ADGRF3: variants seen among roughly 807,000 people sequenced by gnomAD.
ADGRF3 encodes the protein G protein-coupled receptor 113.
A neutral mutation model predicts 93.2 loss-of-function variants in ADGRF3; 85 were observed. The observed-to-expected ratio is 0.91, with a 90% confidence interval of 0.77 to 1.09. The LOEUF is 1.09. Ranked by LOEUF, ADGRF3 falls within the 50% of genes least tolerant of loss-of-function variation. The probability of loss-of-function intolerance (pLI) is 0.00; values close to 1 mark genes in which losing one functional copy is unlikely to be tolerated. For synonymous variants in ADGRF3, 534 were observed against 532.5 expected (o/e 1.00, Z -0.04); for missense variants, 1,125 against 1,246.2 (o/e 0.90, Z 1.46).
chr2:26,319,546 TCTCCCTCCCTCC>T (rs746092843), intron 1 of ADGRF3, among the ~76,000 whole-genome samples: 1 of 61,618 alleles, frequency 1.6e-5, no homozygotes, highest in Non-Finnish European at 3.4e-5. Flanking sequence ...CCCTTCTTTC[TCTCCCTCCCTCC>T]CTCCCTCCCT....
At chr2:26,321,398 A>C (rs1455487432) in intron 1 of ADGRF3, among the ~76,000 whole-genome samples, 5 of 152,144 alleles carry the variant, frequency 3.3e-5, no homozygotes, top group Admixed American at 2.0e-4. Context: ...AGATGGGCCA[A>C]GGGGATGTGG....
chr2:26,325,314 A>G (rs1363858493), intron 1 of ADGRF3, among the ~76,000 whole-genome samples: 5 of 152,260 alleles, frequency 3.3e-5, no homozygotes, highest in African/African-American at 1.2e-4. Flanking sequence ...TTTGACAAGA[A>G]GAGGTATTTT....
intron 10 of ADGRF3, 69 bp downstream of exon 10, chr2:26,310,623 G>T: frequency 1.3e-6 from 2 of 1,485,334 alleles, no homozygotes; most frequent in Non-Finnish European, 1.8e-6. Context: ...GTACCTCCTA[G>T]AGAAGAGATC....
chr2:26,340,713 A>ATG (rs67617356), intron 1 of ADGRF3, among the ~76,000 whole-genome samples: 2 of 152,046 alleles, frequency 1.3e-5, no homozygotes, highest in Non-Finnish European at 2.9e-5. Flanking sequence ...GGGGAGGAGG[A>ATG]TGTGTGTGTG....
intron 10 of ADGRF3, 78 bp downstream of exon 10, chr2:26,310,614 T>C: frequency 2.1e-6 from 3 of 1,430,256 alleles, no homozygotes; most frequent in South Asian, 1.3e-5. Flanking sequence ...TCCACCTTGG[T>C]ACCTCCTAGA....
chr2:26,325,346 T>A (rs1574720757), intron 1 of ADGRF3, among the ~76,000 whole-genome samples: 1 of 152,386 alleles, frequency 6.6e-6, no homozygotes, highest in South Asian at 2.1e-4. Context: ...GGACACATTA[T>A]ATATGCCTTT....
rs1438938486 is a variant in ADGRF3, at chr2:26,310,178, T to A, written c.2874+18A>T. 2 of 1,613,584 alleles carry A rather than the reference T, an allele frequency of 1.2e-6. No individual in the cohort carries two copies. Among genetic ancestry groups the A allele is most frequent in the Non-Finnish European group, 1.7e-6 (2 of 1,179,832 alleles). On this transcript the variant is annotated intron_variant, in intron 11 of 13. Transcript: ENST00000651242. ...TGCGGGCTGCAAGTGAGGCAGGGGG[T>A]TAGGTGGGCAGACTTACCTTCCTGT...
intron 1 of ADGRF3, among the ~76,000 whole-genome samples, chr2:26,343,434 G>T (rs1676501762): frequency 6.7e-6 from 1 of 148,992 alleles, no homozygotes; most frequent in Non-Finnish European, 1.5e-5. Context: ...AGGATCAAAT[G>T]ATCTTTTTTT....
At chr2:26,324,933 C>T (rs56146105) in intron 1 of ADGRF3, among the ~76,000 whole-genome samples, 71,376 of 152,124 alleles carry the variant, frequency 0.47, 17,468 homozygotes, top group African/African-American at 0.52. Flanking sequence ...TTTACACTCC[C>T]GCCAACAGTG....
At position 26,346,350 on chromosome 2, in the gene ADGRF3, G is replaced by T; in HGVS notation, c.-116C>A. The T allele has an allele frequency of 6.5e-7, 1 of 1,540,580 alleles. No homozygotes were observed. The highest frequency in any genetic ancestry group is 2.4e-5 in the East Asian group (1 of 41,700). ...CCGGCCTCGCCCAGGCGGCTGAGGG[G>T]CCCGCGCGGCGCGGTCCGTGTCACC... On this transcript the variant is annotated 5_prime_UTR_variant, in exon 1 of 14. Coordinates refer to ENST00000651242, the MANE Select transcript of ADGRF3 (RefSeq NM_001321971.2).
chr2:26,314,194 T>C (rs759005495), intron 6 of ADGRF3, among the ~76,000 whole-genome samples: 5 of 152,248 alleles, frequency 3.3e-5, no homozygotes, highest in Non-Finnish European at 5.9e-5. Context: ...TGAGATTGTG[T>C]AGATGACAGC....
rs747693442 is a variant in ADGRF3, at chr2:26,313,535, T to G, written c.1111A>C (p.Thr371Pro). 3.1e-6 allele frequency: 5 copies of G among 1,610,494 alleles called. No homozygotes were observed. The highest frequency in any genetic ancestry group is 4.2e-6 in the Non-Finnish European group (5 of 1,179,376). Residue 371 changes from threonine to proline, a missense_variant, in exon 8 of 14, where the codon ACC becomes CCC. By Grantham distance (38) the Thr-to-Pro change is conservative. Coordinates refer to ENST00000651242, the MANE Select transcript of ADGRF3 (RefSeq NM_001321971.2). ...TGGCCAGCCTTGGTGACATTCCAGG[T>G]GAGCACCGAGGCGTCCTCAGGGCAG... is the stretch of plus-strand genomic sequence containing the variant. ...ITCPEDASVL[T>P]WNVTKAGHVA... is the part of the protein sequence containing the mutation.
chr2:26,340,376 A>C (rs1260990962), intron 1 of ADGRF3: 2 of 152,084 alleles, frequency 1.3e-5, no homozygotes, highest in Non-Finnish European at 2.9e-5. Context: ...CTCTTGTTCC[A>C]CTTAGGATTT....
Position 26,311,840 on chromosome 2 carries a change from G to C in ADGRF3, c.1684C>G (p.Arg562Gly), listed in dbSNP as rs772019536. The C allele has an allele frequency of 3.1e-6, 5 of 1,613,846 alleles. No individual in the cohort carries two copies. Among genetic ancestry groups the C allele is most frequent in the Non-Finnish European group, 3.4e-6 (4 of 1,179,830 alleles). Residue 562 changes from arginine to glycine, a missense_variant, in exon 10 of 14, where the codon CGG (arginine) becomes GGG (glycine). Physicochemically the swap from Arg to Gly is moderately radical, Grantham distance 125 (BLOSUM62 -2). Coordinates refer to ENST00000651242, the MANE Select transcript of ADGRF3 (RefSeq NM_001321971.2). Reference sequence around the variant, plus strand: ...GGAATCTGAGCCTGCAGTGGGGGCCGAGTAGGGAAGGAGATGCTGTAGTCA... The same window carrying C: ...GGAATCTGAGCCTGCAGTGGGGGCCCAGTAGGGAAGGAGATGCTGTAGTCA... ...PADYSISFPT[R>G]PPLQAQIPRH...
chr2:26,339,565 TC>T (rs1238881744), intron 1 of ADGRF3, among the ~76,000 whole-genome samples: 17 of 152,280 alleles, frequency 1.1e-4, no homozygotes, highest in African/African-American at 3.8e-4. Context: ...TATATTTTTT[TC>T]TTTCCTCTTG....
Position 26,346,735 on chromosome 2 carries a change from CCTG to C in ADGRF3, c.-504_-502del, listed in dbSNP as rs961078629. ...GAGGGGAGCGACTTGCCGATGCCAT[CCTG>C]CTGATGTCTCCACTTCTGCTCCCGG... On this transcript the variant is annotated 5_prime_UTR_variant, in exon 1 of 14. Transcript: ENST00000651242. 8 of 157,920 alleles carry C rather than the reference CCTG, an allele frequency of 5.1e-5. 1 individual carries two copies. The highest frequency in any genetic ancestry group is 1.9e-4 in the African/African-American group (8 of 41,582). The allele number at this position is 157,920 out of a possible 1,614,324, so 9.8% of individuals were successfully genotyped here.
chr2:26,332,925 T>A (rs1675849157), intron 1 of ADGRF3, among the ~76,000 whole-genome samples: 1 of 152,046 alleles, frequency 6.6e-6, no homozygotes, highest in African/African-American at 2.4e-5. Flanking sequence ...CCCTCAAATC[T>A]CAAAGATTAA....
intron 1 of ADGRF3, among the ~76,000 whole-genome samples, chr2:26,334,344 T>C (rs1324202299): frequency 2.6e-5 from 4 of 151,704 alleles, no homozygotes; most frequent in African/African-American, 4.8e-5. Flanking sequence ...TTAATCCTAA[T>C]TTTCCCTGTG....
chr2:26,317,432 G>A, intron 2 of ADGRF3, 64 bp downstream of exon 2: 1 of 1,483,064 alleles, frequency 6.7e-7, no homozygotes, highest in South Asian at 1.2e-5. Context: ...TGGGTCCTGG[G>A]TTTCCACCTC....
Sources: gnomAD v4.1 joint callset for allele counts (sites outside exome capture counted in the v4.1 genomes callset) on GRCh38, gnomAD v4.1.1 for gene constraint, MANE v1.5 for transcripts, NCBI Gene and HGNC (gene_info 2026-07-23, HGNC 2026-07-21) for gene names.